VRK1: variants seen among roughly 807,000 people sequenced by gnomAD.
The protein encoded by VRK1 is serine/threonine-protein kinase VRK1.
Under a neutral mutation model 57.1 loss-of-function variants are expected in VRK1, and 33 were observed. The ratio of observed to expected loss-of-function variants is 0.58; its 90% confidence interval spans 0.44 to 0.77. The LOEUF (loss-of-function observed/expected upper bound fraction) is 0.77, where lower values mean the gene tolerates loss of function less well. Among genes scored for constraint, VRK1 ranks in the 30% least tolerant of loss-of-function variants. The pLI, the probability that VRK1 is intolerant of heterozygous loss-of-function variation, is 0.00. For synonymous variants in VRK1, 137 were observed against 147.8 expected, an observed-to-expected ratio of 0.93 and a Z score of 0.53; for missense variants, 413 against 477.3, an observed-to-expected ratio of 0.87 and a Z score of 1.25.
chr14:96,806,303 T>A (rs1273963361), intron 1 of VRK1, among the ~76,000 whole-genome samples: 2 of 152,246 alleles, frequency 1.3e-5, no homozygotes, highest in Non-Finnish European at 2.9e-5. Context: ...TTCTTGGCTC[T>A]TACAGAAGTA....
chr14:96,811,691 G>T (rs1302023894), intron 1 of VRK1, among the ~76,000 whole-genome samples: 1 of 151,826 alleles, frequency 6.6e-6, no homozygotes, highest in Non-Finnish European at 1.5e-5. Flanking sequence ...AAAATATTTA[G>T]TTTAGTTTCC....
chr14:96,826,309 A>G (rs964875941), intron 1 of VRK1, among the ~76,000 whole-genome samples: 1 of 152,196 alleles, frequency 6.6e-6, no homozygotes, highest in Non-Finnish European at 1.5e-5. Flanking sequence ...GAATATGTAT[A>G]GTTCCAAGCT....
Position 96,860,748 on chromosome 14 carries a change from A to G in VRK1, c.1068+13A>G. Reference sequence around the variant, plus strand: ...AACAATAACAAAGGTGAATTTTGTTATTAAATTATTCTTTGGTCTTCTTGT... The same window carrying G: ...AACAATAACAAAGGTGAATTTTGTTGTTAAATTATTCTTTGGTCTTCTTGT... On this transcript the variant is annotated intron_variant, in intron 11 of 12. Transcript: ENST00000216639. 1 of 1,611,482 alleles carries G rather than the reference A, an allele frequency of 6.2e-7. No homozygotes were observed. The highest frequency in any genetic ancestry group is 2.2e-5 in the East Asian group (1 of 44,668).
chr14:96,855,126 AC>A, intron 7 of VRK1, 97 bp from the exon 8 acceptor site: 2 of 1,568,404 alleles, frequency 1.3e-6, no homozygotes. Context: ...TTGTAGGTGA[AC>A]CCACCTTCAG....
At chr14:96,821,909 G>A (rs1016170746) in intron 1 of VRK1, among the ~76,000 whole-genome samples, 5 of 151,454 alleles carry the variant, frequency 3.3e-5, no homozygotes, top group African/African-American at 4.9e-5. Flanking sequence ...CTTTGTAGTC[G>A]CTCCTCCCTC....
intron 1 of VRK1, among the ~76,000 whole-genome samples, chr14:96,808,404 A>T (rs961427124): frequency 5.9e-5 from 9 of 152,240 alleles, no homozygotes; most frequent in East Asian, 3.9e-4. Context: ...GATTAAAAAA[A>T]TTTTTTTGAA....
chr14:96,832,586 C>T (rs1887050500), intron 1 of VRK1, among the ~76,000 whole-genome samples: 1 of 152,094 alleles, frequency 6.6e-6, no homozygotes, highest in Non-Finnish European at 1.5e-5. Context: ...GGTGTCATAC[C>T]TGCAATCCAG....
intron 1 of VRK1, among the ~76,000 whole-genome samples, chr14:96,822,370 G>A (rs1291868689): frequency 6.6e-6 from 1 of 152,028 alleles, no homozygotes; most frequent in African/African-American, 2.4e-5. Flanking sequence ...GAGGGGTGTA[G>A]CATGGTAAAG....
chr14:96,833,352 T>G, intron 1 of VRK1, 115 bp from the exon 2 acceptor site: 4 of 1,206,222 alleles, frequency 3.3e-6, no homozygotes, highest in Non-Finnish European at 4.7e-6. Context: ...TCCTTTAAGT[T>G]TTGGAGTAAG....
At position 96,837,451 on chromosome 14, in the gene VRK1, T is replaced by A. The variant is rs150748540; in HGVS notation, c.161-311T>A. Among the ~76,000 whole-genome samples the A allele has an allele frequency of 3.5e-3, 529 of 152,308 alleles. 1 individual carries two copies. Among genetic ancestry groups the A allele is most frequent in the Non-Finnish European group, 5.2e-3 (355 of 68,012 alleles). ...CTTATCCTCTGGGGAATTCACAATA[T>A]CCACTAGCATATCAAAGGCTATTAG... On this transcript the variant is annotated intron_variant, in intron 2 of 12. Coordinates refer to ENST00000216639, the MANE Select transcript of VRK1 (RefSeq NM_003384.3).
At chr14:96,835,878 C>T (rs991137807) in intron 2 of VRK1, among the ~76,000 whole-genome samples, 1 of 152,160 alleles carries the variant, frequency 6.6e-6, no homozygotes, top group Non-Finnish European at 1.5e-5. Flanking sequence ...AGTCTTGCCA[C>T]CTTGCACACC....
intron 1 of VRK1, among the ~76,000 whole-genome samples, chr14:96,801,529 A>T (rs555529441): frequency 7.7e-4 from 117 of 152,292 alleles, no homozygotes; most frequent in Non-Finnish European, 1.5e-3. Context: ...ACAGCTATCA[A>T]CATAGAGATT....
At chr14:96,804,581 A>C (rs1032547110) in intron 1 of VRK1, among the ~76,000 whole-genome samples, 1 of 152,202 alleles carries the variant, frequency 6.6e-6, no homozygotes, top group Non-Finnish European at 1.5e-5. Flanking sequence ...AAGAGTATAT[A>C]AACTTCTGGC....
chr14:96,833,543 A>C lies in VRK1; in HGVS notation c.72A>C (p.Ala24=), dbSNP rs147698530. The part of the protein sequence containing the change: ...SAKRHLAEQF[A]VGEIITDMAK... ...AGAGACATCTTGCAGAACAATTTGC[A>C]GTTGGAGAGATAATAACTGACATGG... The change falls in exon 2 of 13, where the codon GCA becomes GCC. Residue 24 remains alanine, a synonymous_variant. Transcript: ENST00000216639. The C allele has an allele frequency of 6.2e-7, 1 of 1,613,864 alleles. No homozygotes were observed. Among genetic ancestry groups the C allele is most frequent in the Non-Finnish European group, 8.5e-7 (1 of 1,179,796 alleles).
At chr14:96,826,883 A>G (rs1454959279) in intron 1 of VRK1, among the ~76,000 whole-genome samples, 1 of 152,238 alleles carries the variant, frequency 6.6e-6, no homozygotes, top group African/African-American at 2.4e-5. Context: ...GTGATTTCAT[A>G]TTCTGAGAAA....
rs1889243395 is a variant in VRK1 at position 96,881,159 on chromosome 14, C to G, written c.1160-18C>G. On this transcript the variant is annotated intron_variant, in intron 12 of 12. Transcript: ENST00000216639. ...AATTATTGACTAGTGATTTCAGTTT[C>G]TTTGATTTTTCTTCAAGGTTCAAGA... is the stretch of plus-strand genomic sequence containing the variant. 6.3e-7 allele frequency: 1 copy of G among 1,597,512 alleles called. No homozygotes were observed. The highest frequency in any genetic ancestry group is 1.3e-5 in the African/African-American group (1 of 74,588).
At position 96,855,230 on chromosome 14, in the gene VRK1, T is replaced by C; in HGVS notation, c.583T>C (p.Leu195=). 6.2e-7 allele frequency: 1 copy of C among 1,614,004 alleles called. No homozygotes were observed. Among genetic ancestry groups the C allele is most frequent in the Non-Finnish European group, 8.5e-7 (1 of 1,179,934 alleles). ...GGTGCTTGGAAATTTATAGGTGTAC[T>C]TGGTAGATTATGGCCTTGCTTATCG... ...LNYKNPDQVY[L]VDYGLAYRYC... is the part of the protein sequence containing the mutation. Residue 195 remains leucine (L), a synonymous_variant, in exon 8 of 13, where the codon TTG becomes CTG. Transcript: ENST00000216639.
At chr14:96,806,641 T>G (rs951632677) in intron 1 of VRK1, among the ~76,000 whole-genome samples, 2 of 152,216 alleles carry the variant, frequency 1.3e-5, no homozygotes. Context: ...AGTTGTTGAA[T>G]TAACTGCAAA....
Position 96,881,299 on chromosome 14 carries a change from C to T in VRK1, c.*91C>T, listed in dbSNP as rs548457340. 25 of 1,200,832 alleles carry T rather than the reference C, an allele frequency of 2.1e-5. No individual in the cohort carries two copies. Among genetic ancestry groups the T allele is most frequent in the Non-Finnish European group, 2.9e-5 (24 of 839,428 alleles). The allele number at this position is 1,200,832 out of a possible 1,614,324, so 74.4% of individuals were successfully genotyped here. ...TGAACTGTTTTATTTTCCTGTGAGT[C>T]TTGCGAGGTGGAAGTAATGATTAAA... On this transcript the variant is annotated 3_prime_UTR_variant, in exon 13 of 13. Coordinates refer to ENST00000216639, the MANE Select transcript of VRK1 (RefSeq NM_003384.3).
Sources: allele counts gnomAD v4.1 joint callset (sites outside exome capture counted in the v4.1 genomes callset), GRCh38; gene constraint gnomAD v4.1.1; transcripts MANE v1.5; gene names NCBI Gene and HGNC (gene_info 2026-07-23, HGNC 2026-07-21).